TPST1: variants seen among roughly 807,000 people sequenced by gnomAD.
The protein encoded by TPST1 is tyrosylprotein sulfotransferase 1.
In TPST1, 20 loss-of-function variants were observed where a neutral mutation model predicts 34.8. The observed-to-expected ratio is 0.57, with a 90% CI of 0.40 to 0.84. The LOEUF (loss-of-function observed/expected upper bound fraction) is 0.84. Ranked by LOEUF, TPST1 falls within the 40% of genes least tolerant of loss-of-function variation. TPST1 has a pLI of 0.00. For synonymous variants in TPST1, 152 were observed against 159.4 expected (o/e 0.95, Z 0.35); for missense variants, 353 against 455.5 (o/e 0.78, Z 2.05).
At chr7:66,277,303 C>T (rs569750866) in intron 2 of TPST1, among the ~76,000 whole-genome samples, 2 of 152,264 alleles carry the variant, frequency 1.3e-5, no homozygotes, top group East Asian at 3.9e-4. Context: ...CTGGTGTTCT[C>T]AAATAGATCT....
At chr7:66,217,836 G>A (rs901909695) in intron 1 of TPST1, among the ~76,000 whole-genome samples, 2 of 150,822 alleles carry the variant, frequency 1.3e-5, no homozygotes, top group South Asian at 2.1e-4. Flanking sequence ...CGCCCGCCTC[G>A]GCCTCGCAGA....
intron 3 of TPST1, among the ~76,000 whole-genome samples, chr7:66,348,212 C>A (rs191528744): frequency 3.9e-3 from 597 of 152,186 alleles, no homozygotes; most frequent in African/African-American, 0.012. Context: ...CTCCTTGGTC[C>A]AAGCCATCAT....
chr7:66,309,994 A>G (rs1424324916), intron 3 of TPST1, among the ~76,000 whole-genome samples: 1 of 152,208 alleles, frequency 6.6e-6, no homozygotes, highest in Non-Finnish European at 1.5e-5. Context: ...ATCATGGCCA[A>G]ACAAGTTATG....
chr7:66,241,285 C>T lies in TPST1; in HGVS notation c.845+15C>T, dbSNP rs373663371. 2.2e-5 allele frequency: 34 copies of T among 1,579,800 alleles called. No individual in the cohort carries two copies. Among genetic ancestry groups the T allele is most frequent in the South Asian group, 3.5e-5 (3 of 84,946 alleles). Reference sequence around the variant, plus strand: ...TCTCTGTCAAAGTGAGTAGAAGATACGTTTTTTATTTTGACTCTATATTTA... The same window carrying T: ...TCTCTGTCAAAGTGAGTAGAAGATATGTTTTTTATTTTGACTCTATATTTA... On this transcript the variant is annotated intron_variant, in intron 2 of 5. Transcript: ENST00000304842.
intron 1 of TPST1, among the ~76,000 whole-genome samples, chr7:66,214,671 G>C (rs1789350742): frequency 6.6e-6 from 1 of 150,558 alleles, no homozygotes; most frequent in Non-Finnish European, 1.5e-5. Flanking sequence ...ATGAAAATTA[G>C]CATGGCATGG....
chr7:66,325,656 G>T (rs1035359646), intron 3 of TPST1, among the ~76,000 whole-genome samples: 3 of 151,868 alleles, frequency 2.0e-5, no homozygotes, highest in Admixed American at 6.6e-5. Flanking sequence ...ATTTTTTTAA[G>T]ATGGAGTCTT....
intron 2 of TPST1, among the ~76,000 whole-genome samples, chr7:66,248,253 T>C (rs1790191007): frequency 6.6e-6 from 1 of 152,154 alleles, no homozygotes; most frequent in Admixed American, 6.5e-5. Flanking sequence ...CTCTTATTAG[T>C]GGAGCACCCT....
intron 1 of TPST1, among the ~76,000 whole-genome samples, chr7:66,218,069 A>G (rs1240142050): frequency 6.6e-6 from 1 of 151,306 alleles, no homozygotes; most frequent in Admixed American, 6.6e-5. Flanking sequence ...ATTAGAGACA[A>G]GGTGTCACCA....
At chr7:66,316,651 A>G (rs1791638266) in intron 3 of TPST1, among the ~76,000 whole-genome samples, 1 of 152,230 alleles carries the variant, frequency 6.6e-6, no homozygotes, top group South Asian at 2.1e-4. Context: ...CAAATTGAAC[A>G]TTTTATTGTA....
At chr7:66,286,441 A>G (rs1791034862) in intron 2 of TPST1, 70 bp from the exon 3 acceptor site, 10 of 1,195,388 alleles carry the variant, frequency 8.4e-6, no homozygotes, top group Admixed American at 3.5e-5. Flanking sequence ...AACATAATTT[A>G]TAGTGGTTTT....
chr7:66,307,173 A>G (rs1791440529), intron 3 of TPST1, among the ~76,000 whole-genome samples: 1 of 151,366 alleles, frequency 6.6e-6, no homozygotes, highest in Non-Finnish European at 1.5e-5. Flanking sequence ...CTCTGTCTGC[A>G]GTGATGAGAT....
At chr7:66,217,226 T>C (rs1282756776) in intron 1 of TPST1, among the ~76,000 whole-genome samples, 25 of 152,134 alleles carry the variant, frequency 1.6e-4, no homozygotes, top group Admixed American at 1.6e-3. Context: ...AGTATTGTAG[T>C]CTTCTATTTC....
chr7:66,339,421 A>G (rs2116319011), intron 3 of TPST1, among the ~76,000 whole-genome samples: 1 of 152,284 alleles, frequency 6.6e-6, no homozygotes, highest in South Asian at 2.1e-4. Context: ...TCTGCCAGAC[A>G]TTTAAAGAAC....
chr7:66,337,182 G>A (rs542622744), intron 3 of TPST1, among the ~76,000 whole-genome samples: 5 of 151,800 alleles, frequency 3.3e-5, no homozygotes, highest in East Asian at 1.9e-4. Flanking sequence ...TAAACTCACC[G>A]GCAAAAGAAA....
At chr7:66,226,243 A>G (rs947848806) in intron 1 of TPST1, among the ~76,000 whole-genome samples, 3 of 151,900 alleles carry the variant, frequency 2.0e-5, no homozygotes, top group South Asian at 2.1e-4. Context: ...TCTGCTAAGT[A>G]TGCTCTGGTA....
intron 2 of TPST1, among the ~76,000 whole-genome samples, chr7:66,272,579 C>T (rs1790725377): frequency 6.6e-6 from 1 of 151,718 alleles, no homozygotes; most frequent in Non-Finnish European, 1.5e-5. Flanking sequence ...CCCACTCTCA[C>T]CCCAATTCTT....
intron 1 of TPST1, among the ~76,000 whole-genome samples, chr7:66,211,322 C>T (rs937908974): frequency 2.0e-5 from 3 of 151,920 alleles, no homozygotes; most frequent in African/African-American, 4.8e-5. Flanking sequence ...TTAGTAGAGA[C>T]GGGGTTTCTC....
At chr7:66,203,605 C>T (rs536577367), upstream of TPST1, among the ~76,000 whole-genome samples, 19 of 151,856 alleles carry the variant, frequency 1.3e-4, no homozygotes, top group Non-Finnish European at 2.5e-4. Flanking sequence ...CCTGCCTCTG[C>T]CTCCCGAGTA....
At chr7:66,227,704 T>C (rs1255702390) in intron 1 of TPST1, among the ~76,000 whole-genome samples, 1 of 149,406 alleles carries the variant, frequency 6.7e-6, no homozygotes, top group Admixed American at 6.8e-5. Context: ...TGATTCTGAC[T>C]GTATTTTGAA....
Sources: gnomAD v4.1 joint callset for allele counts (sites outside exome capture counted in the v4.1 genomes callset) on GRCh38, gnomAD v4.1.1 for gene constraint, MANE v1.5 for transcripts, NCBI Gene and HGNC (gene_info 2026-07-23, HGNC 2026-07-21) for gene names.